Variants in HUWE1 observed in about 807,000 individuals in gnomAD.
The protein encoded by HUWE1 is E3 ubiquitin-protein ligase HUWE1.
A neutral mutation model predicts 299.4 loss-of-function variants in HUWE1; 18 were observed. That is an observed-to-expected ratio of 0.06 (90% CI 0.04 to 0.09). The LOEUF (loss-of-function observed/expected upper bound fraction) is 0.09, where lower values mean the gene tolerates loss of function less well. Among genes scored for constraint, HUWE1 ranks in the 10% least tolerant of loss-of-function variants. HUWE1 has a pLI of 1.00. For missense variants in HUWE1, 1,832 were observed against 3,462.3 expected, an observed-to-expected ratio of 0.53 and a Z score of 11.82; for synonymous variants, 1,317 against 1,286.1, an observed-to-expected ratio of 1.02 and a Z score of -0.51.
At chrX:53,564,504 ACCC>A in intron 51 of HUWE1, 67 bp downstream of exon 51, 20 of 1,155,967 alleles carry the variant, frequency 1.7e-5, no homozygotes, top group Non-Finnish European at 2.3e-5. Flanking sequence ...GTACTCACCC[ACCC>A]ACACCACCTG....
In HUWE1 at chrX:53,537,425, C is replaced by T. The variant is rs1556913996; in HGVS notation, c.12137+131G>A. The T allele has an allele frequency of 7.0e-6, 5 of 719,092 alleles. No individual in the cohort carries two copies. In the East Asian group the frequency reaches 1.1e-4, roughly 15 times the overall value. The allele number at this position is 719,092 out of a possible 1,213,427, so 59.3% of individuals were successfully genotyped here. ...ACAACTCAGTAAGATTATCTAAAACCAGATTCCTATGGGGAATTCCTATTA... is the reference window on the plus strand; with the variant it reads ...ACAACTCAGTAAGATTATCTAAAACTAGATTCCTATGGGGAATTCCTATTA... On this transcript the variant is annotated intron_variant, in intron 78 of 83. Transcript: ENST00000262854.
chrX:53,614,073 T>C (rs913872652), intron 23 of HUWE1, among the ~76,000 whole-genome samples: 1 of 111,009 alleles, frequency 9.0e-6, no homozygotes, highest in African/African-American at 3.3e-5. Context: ...GAGATTAGCC[T>C]GGTCAACATG....
intron 48 of HUWE1, among the ~76,000 whole-genome samples, chrX:53,569,167 C>T (rs1302092014): frequency 3.6e-5 from 4 of 111,245 alleles, no homozygotes; most frequent in African/African-American, 3.3e-5. Flanking sequence ...GCTGGGACTA[C>T]GGGAGCGTGC....
At chrX:53,682,378 T>C (rs1557053744) in intron 2 of HUWE1, among the ~76,000 whole-genome samples, 1 of 111,722 alleles carries the variant, frequency 9.0e-6, no homozygotes, top group African/African-American at 3.3e-5. Context: ...GACCGCCGCC[T>C]ATGACTGGGG....
At chrX:53,542,845 TTGTGTG>T (rs57187405) in intron 73 of HUWE1, 8,587 of 161,626 alleles carry the variant, frequency 0.053, 382 homozygotes, top group African/African-American at 0.17. Context: ...TCTTCTTCTG[TTGTGTG>T]TGTGTGTGTG....
intron 63 of HUWE1, among the ~76,000 whole-genome samples, chrX:53,552,022 A>G (rs1317900222): frequency 4.5e-5 from 5 of 111,715 alleles, no homozygotes; most frequent in African/African-American, 6.5e-5. Context: ...TACCACGCAG[A>G]TATCATCACC....
chrX:53,577,165 G>A, intron 43 of HUWE1, 98 bp from the exon 44 acceptor site: 2 of 638,245 alleles, frequency 3.1e-6, no homozygotes, highest in Non-Finnish European at 5.2e-6. Context: ...TGATATAGAA[G>A]GCTTGAGATA....
intron 72 of HUWE1, 82 bp downstream of exon 72, chrX:53,544,478 G>T: frequency 1.3e-6 from 1 of 751,334 alleles, no homozygotes; most frequent in Non-Finnish European, 2.0e-6. Flanking sequence ...GAAGGAGACA[G>T]GCCGTTAAGT....
At chrX:53,563,978 G>T (rs1205120851) in intron 51 of HUWE1, among the ~76,000 whole-genome samples, 157 bp from the exon 52 acceptor site, 1 of 112,366 alleles carries the variant, frequency 8.9e-6, no homozygotes, top group Non-Finnish European at 1.9e-5. Context: ...AATTAGCACA[G>T]AAACTACCAC....
intron 17 of HUWE1, chrX:53,625,910 ACCAGGG>A (rs782691522): frequency 5.5e-6 from 2 of 364,019 alleles, no homozygotes; most frequent in African/African-American, 5.3e-5. Context: ...CGGGACTGGG[ACCAGGG>A]CTGGGGCCAG....
chrX:53,586,392 A>ACTT lies in HUWE1; in HGVS notation c.4824+95_4824+97dup, dbSNP rs1213687937. 12 of 545,394 alleles carry ACTT rather than the reference A, an allele frequency of 2.2e-5. No homozygotes were observed. The African/African-American group carries it at 2.3e-4, about 11-fold the overall frequency. The allele number at this position is 545,394 out of a possible 1,213,427, so 44.9% of individuals were successfully genotyped here. ...TAAGAGATTTATACATTGGTCAGAG[A>ACTT]CTTCTATATTCTTCACTACTCTCTC... is the stretch of plus-strand genomic sequence containing the variant. On this transcript the variant is annotated intron_variant, in intron 39 of 83. Coordinates refer to ENST00000262854, the MANE Select transcript of HUWE1 (RefSeq NM_031407.7).
At chrX:53,579,943 ATAAAAAAAAAAAAT>A (rs1359588673) in intron 43 of HUWE1, 2 of 99,718 alleles carry the variant, frequency 2.0e-5, no homozygotes, top group Non-Finnish European at 4.2e-5. Flanking sequence ...AGAATGATCA[ATAAAAAAAAAAAAT>A]TAAAAAAAAA....
At chrX:53,556,792 G>C (rs1556935338) in intron 60 of HUWE1, among the ~76,000 whole-genome samples, 1 of 112,155 alleles carries the variant, frequency 8.9e-6, no homozygotes, top group African/African-American at 3.2e-5. Context: ...CCAACTTTTA[G>C]TTTAGCCATG....
intron 6 of HUWE1, among the ~76,000 whole-genome samples, chrX:53,645,732 AAAAAATAT>A (rs1161389497): frequency 7.3e-4 from 13 of 17,718 alleles, no homozygotes; most frequent in South Asian, 8.8e-3. Context: ...AAAAAAAAAA[AAAAAATAT>A]ATATATATAT....
At chrX:53,544,086 T>A in intron 72 of HUWE1, 118 bp from the exon 73 acceptor site, 2 of 644,208 alleles carry the variant, frequency 3.1e-6, no homozygotes, top group Non-Finnish European at 4.9e-6. Flanking sequence ...TTTTGAGCTT[T>A]AGCTCAGGAA....
chrX:53,679,188 A>C (rs1419599669), intron 3 of HUWE1, among the ~76,000 whole-genome samples: 3 of 111,588 alleles, frequency 2.7e-5, no homozygotes, highest in African/African-American at 9.8e-5. Context: ...AAAAAACAAA[A>C]GACAGAACCT....
chrX:53,620,752 G>A (rs2066097965), intron 19 of HUWE1, among the ~76,000 whole-genome samples: 1 of 111,606 alleles, frequency 9.0e-6, no homozygotes, highest in African/African-American at 3.3e-5. Flanking sequence ...CCATCTATGA[G>A]TCTATAATAC....
intron 19 of HUWE1, among the ~76,000 whole-genome samples, chrX:53,621,289 G>C (rs1317746826): frequency 1.8e-5 from 2 of 109,824 alleles, no homozygotes; most frequent in African/African-American, 6.6e-5. Flanking sequence ...TCATGGTCTG[G>C]GTCTGGGATA....
In HUWE1 at chrX:53,593,450, G is replaced by T; in HGVS notation, c.3655C>A (p.Pro1219Thr). The change falls in exon 32 of 84, where the codon CCA (proline) becomes ACA (threonine). Residue 1219 changes from proline (P) to threonine (T), a missense_variant. Pro to Thr is a conservative substitution (Grantham distance 38). This residue lies in a region of HUWE1 where 658 missense variants were observed against 1,282.6 expected (regional missense o/e 0.51). Transcript: ENST00000262854. ...MVNPTTVLES[P>T]HSLPAKLPGG... ...GGCAATTTGGCAGGCAGCGAATGTG[G>T]AGATTCAAGCACCGTGGTGGGATTC... 8.3e-7 allele frequency: 1 copy of T among 1,211,599 alleles called. No individual in the cohort carries two copies. Among genetic ancestry groups the T allele is most frequent in the Non-Finnish European group, 1.1e-6 (1 of 895,274 alleles).
Sources: allele counts gnomAD v4.1 joint callset (sites outside exome capture counted in the v4.1 genomes callset), GRCh38; gene constraint gnomAD v4.1.1; regional missense constraint gnomAD v4.1.1; transcripts MANE v1.5; gene names NCBI Gene and HGNC (gene_info 2026-07-23, HGNC 2026-07-21).